The following MAPK10 variants were observed in gnomAD, a reference collection of about 807,000 sequenced individuals.
MAPK10 encodes mitogen-activated protein kinase 10.
MAPK10 carries 25 observed loss-of-function variants against 59.3 expected under a neutral mutation model. The observed-to-expected ratio is 0.42, with a 90% CI of 0.31 to 0.59. The LOEUF (loss-of-function observed/expected upper bound fraction) is 0.59, where lower values mean the gene tolerates loss of function less well. Ranked by LOEUF, MAPK10 falls within the 20% of genes least tolerant of loss-of-function variation. MAPK10 has a pLI of 0.15. For missense variants in MAPK10, 351 were observed against 568.9 expected, an observed-to-expected ratio of 0.62 and a Z score of 3.90; for synonymous variants, 190 against 200.5, an observed-to-expected ratio of 0.95 and a Z score of 0.44.
chr4:86,213,899 C>G (rs1158419560), intron 2 of MAPK10, among the ~76,000 whole-genome samples: 5 of 151,986 alleles, frequency 3.3e-5, no homozygotes, highest in Non-Finnish European at 5.9e-5. Context: ...AAACAAAAGC[C>G]AGACAAAGAT....
chr4:86,175,044 A>G (rs2075361434), intron 3 of MAPK10, among the ~76,000 whole-genome samples: 1 of 152,176 alleles, frequency 6.6e-6, no homozygotes, highest in African/African-American at 2.4e-5. Flanking sequence ...TGCAATAAAG[A>G]AAAAAGACAT....
intron 9 of MAPK10, among the ~76,000 whole-genome samples, chr4:86,097,869 T>C (rs1409939852): frequency 6.6e-6 from 1 of 152,152 alleles, no homozygotes; most frequent in Non-Finnish European, 1.5e-5. Flanking sequence ...CAAATTGCTT[T>C]ATGAAATTAT....
intron 1 of MAPK10, among the ~76,000 whole-genome samples, chr4:86,501,680 G>GCACA (rs144986675): frequency 0.019 from 2,722 of 147,000 alleles, 93 homozygotes; most frequent in African/African-American, 0.063. Flanking sequence ...GTGTGTGCAT[G>GCACA]CACACACACA....
upstream of MAPK10, among the ~76,000 whole-genome samples, chr4:86,362,312 T>C (rs1326907988): frequency 1.3e-5 from 2 of 151,846 alleles, no homozygotes; most frequent in Non-Finnish European, 2.9e-5. Context: ...ACATAAAAGC[T>C]AAAATATATA....
At chr4:86,370,595 T>A (rs1408336226) in intron 1 of MAPK10, 1 of 151,360 alleles carries the variant, frequency 6.6e-6, no homozygotes, top group Non-Finnish European at 1.5e-5. Flanking sequence ...AAAGAAAAAA[T>A]ATCTATAAAT....
intron 1 of MAPK10, among the ~76,000 whole-genome samples, chr4:86,518,450 C>T (rs996646556): frequency 4.6e-5 from 7 of 152,164 alleles, no homozygotes; most frequent in Non-Finnish European, 4.4e-5. Flanking sequence ...TCTGTGGTAT[C>T]GGTTGTAATA....
chr4:86,315,866 G>C (rs1367642884), intron 2 of MAPK10, among the ~76,000 whole-genome samples: 1 of 152,022 alleles, frequency 6.6e-6, no homozygotes, highest in East Asian at 1.9e-4. Flanking sequence ...TCTTCAAGTA[G>C]ACTTATTGAA....
chr4:86,138,067 A>C (rs2062665349), intron 4 of MAPK10, among the ~76,000 whole-genome samples: 14 of 112,302 alleles, frequency 1.2e-4, no homozygotes, highest in South Asian at 3.7e-4. Flanking sequence ...AAAAAGAGTC[A>C]AGGACCAGAT....
At chr4:86,519,685 T>C (rs1756971180) in intron 1 of MAPK10, among the ~76,000 whole-genome samples, 1 of 152,152 alleles carries the variant, frequency 6.6e-6, no homozygotes, top group Admixed American at 6.5e-5. Flanking sequence ...ATTTTGTGTG[T>C]GTGTGTGTTA....
At chr4:86,159,266 C>G (rs779055081) in intron 4 of MAPK10, 32 bp downstream of exon 4, 2 of 1,555,394 alleles carry the variant, frequency 1.3e-6, no homozygotes, top group Non-Finnish European at 1.7e-6. Flanking sequence ...GGTGTGTTCC[C>G]TTTAAAAATA....
intron 1 of MAPK10, among the ~76,000 whole-genome samples, chr4:86,559,806 G>C (rs1760535302): frequency 6.6e-6 from 1 of 151,960 alleles, no homozygotes; most frequent in African/African-American, 2.4e-5. Context: ...GGGTGTGGTG[G>C]CACGTGTCTG....
rs555238298 is a variant in MAPK10 at position 86,566,404 on chromosome 4, T to A, written c.-263+27506A>T. 3.3e-5 allele frequency among the ~76,000 whole-genome samples: 5 copies of A among 152,266 alleles called. No homozygotes were observed. The South Asian group carries it at 8.3e-4, about 25-fold the overall frequency. ...TCAGAGAAGCATCCTGTTTCCTTCC[T>A]ATATTCACCAGATATAAAAGTAGTC... On this transcript the variant is annotated intron_variant, in intron 1 of 4. Coordinates refer to the MAPK10 transcript ENST00000502302.
intron 2 of MAPK10, among the ~76,000 whole-genome samples, chr4:86,296,811 T>A (rs1032779695): frequency 1.2e-4 from 18 of 152,234 alleles, no homozygotes; most frequent in African/African-American, 3.4e-4. Flanking sequence ...ATTTTATGCA[T>A]CTGATGATGC....
At chr4:86,070,885 A>G (rs1384043596) in intron 9 of MAPK10, among the ~76,000 whole-genome samples, 1 of 152,114 alleles carries the variant, frequency 6.6e-6, no homozygotes, top group Non-Finnish European at 1.5e-5. Flanking sequence ...AGCATGATTT[A>G]TAGTCATTTG....
intron 4 of MAPK10, among the ~76,000 whole-genome samples, chr4:86,112,928 A>T (rs1296240613): frequency 1.3e-5 from 2 of 150,420 alleles, no homozygotes; most frequent in Non-Finnish European, 3.0e-5. Flanking sequence ...TAGGAGAGTT[A>T]CCTCTTCTTG....
intron 1 of MAPK10, among the ~76,000 whole-genome samples, chr4:86,576,753 G>T (rs371835399): frequency 1.4e-5 from 2 of 147,328 alleles, no homozygotes; most frequent in African/African-American, 5.0e-5. Context: ...CCAGCCTAGG[G>T]GACAGTGCGA....
intron 3 of MAPK10, among the ~76,000 whole-genome samples, chr4:86,169,821 C>T (rs563751961): frequency 1.4e-4 from 22 of 151,992 alleles, no homozygotes; most frequent in Non-Finnish European, 2.6e-4. Context: ...AGAGAAAGGT[C>T]GGGTTACCCA....
intron 2 of MAPK10, among the ~76,000 whole-genome samples, chr4:86,272,502 T>C (rs1474946100): frequency 1.3e-5 from 2 of 152,048 alleles, no homozygotes; most frequent in African/African-American, 4.8e-5. Context: ...TGGTATAAAG[T>C]AGAGGTTAAG....
At chr4:86,319,506 T>C (rs1172189652) in intron 2 of MAPK10, among the ~76,000 whole-genome samples, 3 of 152,218 alleles carry the variant, frequency 2.0e-5, no homozygotes. Context: ...CATGATATTA[T>C]GAGAAAGTCA....
Sources: gnomAD v4.1 joint callset for allele counts (sites outside exome capture counted in the v4.1 genomes callset) on GRCh38, gnomAD v4.1.1 for gene constraint, MANE v1.5 for transcripts, NCBI Gene and HGNC (gene_info 2026-07-23, HGNC 2026-07-21) for gene names.